The following CHN2 variants were observed in gnomAD, a reference collection of about 807,000 sequenced individuals.
The protein encoded by CHN2 is chimerin 2.
Under a neutral mutation model 56.3 loss-of-function variants are expected in CHN2, and 35 were observed. The observed-to-expected ratio is 0.62, with a 90% confidence interval of 0.47 to 0.82. CHN2 has a LOEUF of 0.82. Among genes scored for constraint, CHN2 ranks in the 40% least tolerant of loss-of-function variants. CHN2 has a pLI of 0.00. For missense variants in CHN2, 491 were observed against 580.5 expected, an observed-to-expected ratio of 0.85 and a Z score of 1.58; for synonymous variants, 210 against 212.8, an observed-to-expected ratio of 0.99 and a Z score of 0.12.
intron 1 of CHN2, among the ~76,000 whole-genome samples, chr7:29,267,991 C>A (rs1790281782): frequency 6.6e-6 from 1 of 152,164 alleles, no homozygotes; most frequent in Non-Finnish European, 1.5e-5. Context: ...ATGGAAGGTT[C>A]TTTTCCACTG....
intron 2 of CHN2, among the ~76,000 whole-genome samples, chr7:29,149,941 A>G (rs1793361297): frequency 6.6e-6 from 1 of 152,086 alleles, no homozygotes; most frequent in African/African-American, 2.4e-5. Flanking sequence ...TTCTATGAAG[A>G]CTCATTTTCA....
At chr7:29,463,911 C>T (rs1027639952) in intron 6 of CHN2, among the ~76,000 whole-genome samples, 11 of 152,186 alleles carry the variant, frequency 7.2e-5, no homozygotes, top group African/African-American at 2.7e-4. Flanking sequence ...TACCTTATGC[C>T]ATCGGGTGTG....
intron 1 of CHN2, among the ~76,000 whole-genome samples, chr7:29,306,105 C>T (rs1007558237): frequency 6.6e-6 from 1 of 152,090 alleles, no homozygotes; most frequent in Non-Finnish European, 1.5e-5. Flanking sequence ...TACTTTCTGT[C>T]CCGTCATAAG....
intron 6 of CHN2, among the ~76,000 whole-genome samples, chr7:29,406,641 G>C (rs1802676368): frequency 6.6e-6 from 1 of 152,100 alleles, no homozygotes; most frequent in African/African-American, 2.4e-5. Flanking sequence ...TTTGATCAGT[G>C]GTTCTCAAAG....
intron 2 of CHN2, among the ~76,000 whole-genome samples, chr7:29,366,760 G>T (rs899093879): frequency 6.6e-6 from 1 of 152,132 alleles, no homozygotes; most frequent in Non-Finnish European, 1.5e-5. Flanking sequence ...TGTATAAAGG[G>T]TTAGATAGCT....
chr7:29,307,101 C>T (rs778052123), intron 1 of CHN2, among the ~76,000 whole-genome samples: 1 of 152,172 alleles, frequency 6.6e-6, no homozygotes, highest in Non-Finnish European at 1.5e-5. Context: ...TCGCCTTCAG[C>T]TAAATCATTT....
At chr7:29,254,216 T>C (rs777545830) in intron 1 of CHN2, among the ~76,000 whole-genome samples, 5 of 152,196 alleles carry the variant, frequency 3.3e-5, no homozygotes, top group Non-Finnish European at 5.9e-5. Context: ...ATTCTTTTTC[T>C]ACTAGATGAT....
chr7:29,486,078 A>G (rs1273225713), intron 7 of CHN2, among the ~76,000 whole-genome samples: 1 of 151,942 alleles, frequency 6.6e-6, no homozygotes, highest in Non-Finnish European at 1.5e-5. Flanking sequence ...GCTGATCACC[A>G]GCTGACATCG....
intron 6 of CHN2, among the ~76,000 whole-genome samples, chr7:29,478,037 A>G (rs1786749137): frequency 6.6e-6 from 1 of 152,244 alleles, no homozygotes; most frequent in South Asian, 2.1e-4. Flanking sequence ...CTATAATACA[A>G]GACAGAAAGT....
At chr7:29,199,702 A>T (rs1784006177) in intron 1 of CHN2, 1 of 152,226 alleles carries the variant, frequency 6.6e-6, no homozygotes, top group South Asian at 2.1e-4. Flanking sequence ...AGCAACTCAG[A>T]TGAACTGAGT....
chr7:29,299,459 T>C (rs1426913552), intron 1 of CHN2, among the ~76,000 whole-genome samples: 1 of 152,108 alleles, frequency 6.6e-6, no homozygotes, highest in African/African-American at 2.4e-5. Flanking sequence ...GTGTTTTCTG[T>C]TCTAGTACTT....
chr7:29,176,773 A>G (rs1447489859), intron 2 of CHN2, among the ~76,000 whole-genome samples: 1 of 152,224 alleles, frequency 6.6e-6, no homozygotes, highest in Non-Finnish European at 1.5e-5. Flanking sequence ...TTAAAAAACG[A>G]GATTGAGCTG....
chr7:29,351,066 C>T (rs1156292055), intron 1 of CHN2, among the ~76,000 whole-genome samples: 1 of 144,404 alleles, frequency 6.9e-6, no homozygotes, highest in African/African-American at 2.6e-5. Context: ...TGAGATTGCA[C>T]CACTGCACTC....
At chr7:29,419,853 A>G (rs930471882) in intron 6 of CHN2, among the ~76,000 whole-genome samples, 1 of 152,114 alleles carries the variant, frequency 6.6e-6, no homozygotes, top group Non-Finnish European at 1.5e-5. Flanking sequence ...GGAGGCCAGG[A>G]GTTCCAGACC....
At chr7:29,424,134 G>A (rs1475635980) in intron 6 of CHN2, among the ~76,000 whole-genome samples, 1 of 152,246 alleles carries the variant, frequency 6.6e-6, no homozygotes, top group Non-Finnish European at 1.5e-5. Context: ...GAGTTGTCCA[G>A]AAAGTCCTAA....
intron 1 of CHN2, among the ~76,000 whole-genome samples, chr7:29,229,099 G>A (rs147192890): frequency 1.3e-5 from 2 of 152,272 alleles, no homozygotes; most frequent in East Asian, 1.9e-4. Context: ...CCTCCCCGCT[G>A]TTGACCTCCT....
intron 1 of CHN2, chr7:29,213,077 C>T: frequency 6.2e-7 from 1 of 1,605,586 alleles, no homozygotes; most frequent in African/African-American, 1.3e-5. Context: ...AATTCACCTT[C>T]CAGTGACTTG....
intron 1 of CHN2, among the ~76,000 whole-genome samples, chr7:29,305,068 C>T (rs1158914314): frequency 6.6e-6 from 1 of 152,086 alleles, no homozygotes; most frequent in Non-Finnish European, 1.5e-5. Context: ...GGGAAAGGGA[C>T]ACTGAAGGGA....
intron 3 of CHN2, among the ~76,000 whole-genome samples, chr7:29,390,398 G>A (rs1404501803): frequency 6.6e-6 from 1 of 152,214 alleles, no homozygotes; most frequent in African/African-American, 2.4e-5. Context: ...AGGTTCACCA[G>A]GTGATGGATT....
Sources: gnomAD v4.1 joint callset for allele counts (sites outside exome capture counted in the v4.1 genomes callset) on GRCh38, gnomAD v4.1.1 for gene constraint, MANE v1.5 for transcripts, NCBI Gene and HGNC (gene_info 2026-07-23, HGNC 2026-07-21) for gene names.